The following SYT14 variants were observed in gnomAD, a reference collection of about 807,000 sequenced individuals.
The protein encoded by SYT14 is synaptotagmin-14.
A neutral mutation model predicts 74.2 loss-of-function variants in SYT14; 32 were observed. That is an observed-to-expected ratio of 0.43 (90% CI 0.33 to 0.58). SYT14 has a LOEUF of 0.58. SYT14 is among the 20% of genes least tolerant of loss of function. The pLI, the probability that SYT14 is intolerant of heterozygous loss-of-function variation, is 0.05. For synonymous variants in SYT14, 298 were observed against 337.7 expected (o/e 0.88, Z 1.29); for missense variants, 791 against 981.8 (o/e 0.81, Z 2.60).
intron 2 of SYT14, among the ~76,000 whole-genome samples, chr1:209,990,560 CGT>C (rs1572122514): frequency 2.7e-4 from 9 of 33,018 alleles, no homozygotes; most frequent in African/African-American, 1.0e-3. Flanking sequence ...TATATATATA[CGT>C]ATATATATGT....
At chr1:209,950,227 G>C (rs984950045) in intron 1 of SYT14, among the ~76,000 whole-genome samples, 1 of 152,082 alleles carries the variant, frequency 6.6e-6, no homozygotes, top group African/African-American at 2.4e-5. Flanking sequence ...GTAACTTCTA[G>C]AGAATAAGCC....
At chr1:210,050,513 G>A (rs568508083) in intron 5 of SYT14, among the ~76,000 whole-genome samples, 2 of 152,186 alleles carry the variant, frequency 1.3e-5, no homozygotes, top group East Asian at 1.9e-4. Flanking sequence ...CACATTTTTG[G>A]TTATCTTTTC....
chr1:210,156,533 T>C (rs2083270183), intron 8 of SYT14, among the ~76,000 whole-genome samples: 1 of 152,250 alleles, frequency 6.6e-6, no homozygotes. Context: ...CCTGACTATA[T>C]GCGTGTTATG....
At chr1:209,938,430 A>G (rs1324934515) in intron 1 of SYT14, among the ~76,000 whole-genome samples, 153 bp downstream of exon 1, 1 of 151,518 alleles carries the variant, frequency 6.6e-6, no homozygotes, top group Non-Finnish European at 1.5e-5. Flanking sequence ...GCGTCTCGGG[A>G]GGCGGGTGGG....
rs185060031 is a variant in SYT14 at position 210,077,567 on chromosome 1, G to A, written c.1313-16755G>A. Reference sequence around the variant, plus strand: ...GATGTGAATATATGTACAAAAAATCGTTGTGTGGATACATGTTTTTATCTC... The same window carrying A: ...GATGTGAATATATGTACAAAAAATCATTGTGTGGATACATGTTTTTATCTC... On this transcript the variant is annotated intron_variant, in intron 5 of 9. Coordinates refer to ENST00000637265, the Ensembl canonical transcript of SYT14. 2.0e-4 allele frequency among the ~76,000 whole-genome samples: 30 copies of A among 152,258 alleles called. No homozygotes were observed. The East Asian group carries it at 4.6e-3, about 23-fold the overall frequency.
intron 2 of SYT14, among the ~76,000 whole-genome samples, chr1:209,956,865 G>A (rs970558521): frequency 6.6e-6 from 1 of 151,972 alleles, no homozygotes; most frequent in East Asian, 1.9e-4. Context: ...GTTTTGTTTT[G>A]TTTTGTTTTG....
At chr1:210,112,529 G>A (rs978228734) in intron 7 of SYT14, among the ~76,000 whole-genome samples, 1 of 151,330 alleles carries the variant, frequency 6.6e-6, no homozygotes, top group African/African-American at 2.5e-5. Context: ...ATAAGTGGAA[G>A]TTGTAGTGGG....
chr1:210,082,791 C>T (rs554136146), intron 5 of SYT14, among the ~76,000 whole-genome samples: 94 of 152,270 alleles, frequency 6.2e-4, no homozygotes, highest in African/African-American at 2.2e-3. Flanking sequence ...AGAGCTGTTT[C>T]TCAAAACAGA....
intron 5 of SYT14, among the ~76,000 whole-genome samples, chr1:210,026,818 A>G (rs1022428072): frequency 1.3e-5 from 2 of 151,764 alleles, no homozygotes; most frequent in Non-Finnish European, 1.5e-5. Flanking sequence ...ATTTCCTTTA[A>G]GTCCATTTTA....
chr1:210,073,355 A>C (rs993688384), intron 5 of SYT14, among the ~76,000 whole-genome samples: 4 of 152,036 alleles, frequency 2.6e-5, no homozygotes, highest in African/African-American at 9.7e-5. Context: ...TTACATCAAC[A>C]TTGTGAAGCA....
chr1:209,976,338 T>C (rs571163637), intron 2 of SYT14, among the ~76,000 whole-genome samples: 5 of 143,640 alleles, frequency 3.5e-5, no homozygotes, highest in African/African-American at 5.2e-5. Flanking sequence ...CTTGTGGGCA[T>C]TTAGTGCTAT....
At chr1:210,059,710 G>A (rs701947) in intron 5 of SYT14, among the ~76,000 whole-genome samples, 52,030 of 151,720 alleles carry the variant, frequency 0.34, 9,887 homozygotes, top group Non-Finnish European at 0.42. Flanking sequence ...CCTCAGGCCC[G>A]ATAGCCTGAT....
chr1:210,026,293 TC>T lies in SYT14; in HGVS notation c.1312+5042del, dbSNP rs1248597125. Among the ~76,000 whole-genome samples the T allele has an allele frequency of 4.6e-5, 7 of 152,212 alleles. No individual in the cohort carries two copies. In the South Asian group the frequency reaches 8.3e-4, roughly 18 times the overall value. ...AGTGTCAAAATATGGTTCGTGGATATCCCATTTAATTGATGAGCTAGACCAA... is the reference window on the plus strand; with the variant it reads ...AGTGTCAAAATATGGTTCGTGGATATCCATTTAATTGATGAGCTAGACCAA... On this transcript the variant is annotated intron_variant, in intron 5 of 9. Transcript: ENST00000637265.
At chr1:210,071,343 A>G (rs17015565) in intron 5 of SYT14, among the ~76,000 whole-genome samples, 7,583 of 149,316 alleles carry the variant, frequency 0.051, 1,045 homozygotes, top group East Asian at 0.42. Flanking sequence ...GTCCTTATAG[A>G]AGGAGTAATA....
chr1:209,939,576 C>T (rs146411081), intron 1 of SYT14, among the ~76,000 whole-genome samples: 1 of 152,194 alleles, frequency 6.6e-6, no homozygotes, highest in Non-Finnish European at 1.5e-5. Context: ...CTATGATGTT[C>T]CTGTTATCTG....
At chr1:210,070,538 T>G (rs563844988) in intron 5 of SYT14, among the ~76,000 whole-genome samples, 4 of 152,254 alleles carry the variant, frequency 2.6e-5, no homozygotes, top group African/African-American at 9.6e-5. Flanking sequence ...TTCAGTGTTC[T>G]TTATTGATTT....
chr1:210,142,789 G>A (rs939557127), intron 7 of SYT14, among the ~76,000 whole-genome samples: 3 of 152,004 alleles, frequency 2.0e-5, no homozygotes, highest in Admixed American at 1.3e-4. Context: ...TTGCATTCAC[G>A]GCAGACTACA....
intron 5 of SYT14, among the ~76,000 whole-genome samples, chr1:210,085,809 G>C (rs2081716993): frequency 6.6e-6 from 1 of 152,000 alleles, no homozygotes; most frequent in Non-Finnish European, 1.5e-5. Context: ...TAGATTTTTT[G>C]TATCTGTGTT....
chr1:210,038,203 A>G (rs1330499913), intron 5 of SYT14, among the ~76,000 whole-genome samples: 2 of 151,966 alleles, frequency 1.3e-5, no homozygotes, highest in East Asian at 1.9e-4. Flanking sequence ...TGTTGATTTT[A>G]AAGTCTGTTT....
Sources: gnomAD v4.1 joint callset for allele counts (sites outside exome capture counted in the v4.1 genomes callset) on GRCh38, gnomAD v4.1.1 for gene constraint, MANE v1.5 for transcripts, NCBI Gene and HGNC (gene_info 2026-07-23, HGNC 2026-07-21) for gene names.